Variants in LARP7 observed in about 807,000 individuals in gnomAD.
LARP7 encodes the protein la-related protein 7.
In LARP7, 52 loss-of-function variants were observed where a neutral mutation model predicts 69.3. The ratio of observed to expected loss-of-function variants is 0.75; its 90% CI spans 0.60 to 0.95. The LOEUF is 0.95. Ranked by LOEUF, LARP7 falls within the 40% of genes least tolerant of loss-of-function variation. The probability of loss-of-function intolerance (pLI) is 0.00; values close to 1 mark genes in which losing one functional copy is unlikely to be tolerated. For synonymous variants in LARP7, 254 were observed against 215.9 expected (o/e 1.18, Z -1.55); for missense variants, 733 against 673.0 (o/e 1.09, Z -0.99).
At chr4:112,649,708 GACA>G (rs766811358) in intron 9 of LARP7, 22 bp downstream of exon 9, 1 of 1,538,646 alleles carries the variant, frequency 6.5e-7, no homozygotes. Context: ...TGATAGTTTT[GACA>G]ACATTATAAT....
At chr4:112,646,144 ATTCT>A (rs1170716147) in intron 2 of LARP7, among the ~76,000 whole-genome samples, 6 of 151,710 alleles carry the variant, frequency 4.0e-5, no homozygotes, top group Non-Finnish European at 8.8e-5. Context: ...CACCCAGCTA[ATTCT>A]TTGTATTTTT....
chr4:112,653,416 T>C (rs1327476906), intron 11 of LARP7, among the ~76,000 whole-genome samples, 180 bp downstream of exon 11: 3 of 152,158 alleles, frequency 2.0e-5, no homozygotes, highest in African/African-American at 7.2e-5. Context: ...TTCAAGCAAT[T>C]CTCCTGCCTC....
rs1382350150 is a variant in LARP7 at position 112,647,066 on chromosome 4, A to T, written c.585A>T (p.Arg195Ser). 1.9e-6 allele frequency: 3 copies of T among 1,612,118 alleles called. No homozygotes were observed. The highest frequency in any genetic ancestry group is 2.5e-6 in the Non-Finnish European group (3 of 1,179,580). ...FLNNPPEEAP[R>S]KPGIFPKTVK... The stretch of plus-strand genomic sequence containing the variant: ...ACAACCCACCAGAAGAAGCACCAAG[A>T]AAACCTGGCATATTTCCTAAAACAG... The change falls in exon 6 of 13, where the codon AGA becomes AGT. Residue 195 changes from arginine to serine, a missense_variant. Physicochemically the swap from Arg to Ser is moderately radical, Grantham distance 110. Transcript: ENST00000344442.
chr4:112,648,489 C>T, intron 8 of LARP7: 1 of 534,138 alleles, frequency 1.9e-6, no homozygotes, highest in Middle Eastern at 3.2e-4. Flanking sequence ...GGATTCACTC[C>T]TACTAAAACA....
In LARP7 at chr4:112,647,406, C is replaced by G. The variant is rs1023594873; in HGVS notation, c.854C>G (p.Ser285Cys). Residue 285 changes from serine (S) to cysteine (C), a missense_variant, in exon 7 of 13, where the codon TCT becomes TGT. Transcript: ENST00000344442. ...KKKKRDRVEA[S>C]SLPEVRTGKR... is the part of the protein sequence containing the mutation. ...AAAAAACGGGACAGAGTTGAAGCATCTAGCTTACCTGAAGTCAGAACAGGG... is the reference window on the plus strand; with the variant it reads ...AAAAAACGGGACAGAGTTGAAGCATGTAGCTTACCTGAAGTCAGAACAGGG... The G allele has an allele frequency of 6.2e-7, 1 of 1,613,892 alleles. No individual in the cohort carries two copies. The highest frequency in any genetic ancestry group is 1.7e-5 in the Admixed American group (1 of 59,992).
chr4:112,646,330 T>C (rs1348958784), intron 2 of LARP7, 21 bp from the exon 3 acceptor site: 1 of 1,205,596 alleles, frequency 8.3e-7, no homozygotes, highest in Non-Finnish European at 1.2e-6. Flanking sequence ...ACTAACATAT[T>C]AACTTTTTCA....
intron 1 of LARP7, among the ~76,000 whole-genome samples, chr4:112,643,111 TAAAC>T (rs1187019086): frequency 1.3e-5 from 2 of 152,194 alleles, no homozygotes; most frequent in African/African-American, 2.4e-5. Context: ...AATATATCAG[TAAAC>T]AAACAAAAAT....
intron 2 of LARP7, 71 bp downstream of exon 2, chr4:112,644,942 A>ATTATTTTT: frequency 2.1e-5 from 5 of 235,630 alleles, no homozygotes; most frequent in South Asian, 2.1e-4. Flanking sequence ...AAAATAATAT[A>ATTATTTTT]TTCTTTTTTT....
chr4:112,642,157 A>G (rs760232610), intron 1 of LARP7, among the ~76,000 whole-genome samples: 8 of 152,258 alleles, frequency 5.3e-5, no homozygotes, highest in Non-Finnish European at 8.8e-5. Context: ...TCAAGTAGAC[A>G]GTGGAGCACA....
intron 12 of LARP7, 44 bp from the exon 13 acceptor site, chr4:112,657,198 GTGTTT>G: frequency 1.2e-6 from 1 of 852,618 alleles, no homozygotes; most frequent in Non-Finnish European, 1.8e-6. Flanking sequence ...GTGTGTGTGT[GTGTTT>G]TGAGTATCCA....
rs2048092058 is a variant in LARP7, at chr4:112,644,607, T to C, written c.-2-61T>C. 6 of 1,283,048 alleles carry C rather than the reference T, an allele frequency of 4.7e-6. No individual in the cohort carries two copies. The South Asian group carries it at 7.5e-5, about 16-fold the overall frequency. The allele number at this position is 1,283,048 out of a possible 1,614,324, so 79.5% of individuals were successfully genotyped here. ...AGACAGTTAAAGGCTAATCTAAATATTTAACTATATTAGCTATTGTGGTGA... is the reference window on the plus strand; with the variant it reads ...AGACAGTTAAAGGCTAATCTAAATACTTAACTATATTAGCTATTGTGGTGA... On this transcript the variant is annotated intron_variant, in intron 1 of 12. Transcript: ENST00000344442.
Position 112,646,666 on chromosome 4 carries a change from T to A in LARP7, c.382T>A (p.Tyr128Asn). ...RPKDEDERTVYVELLPKNVNH... is the reference protein window; with the variant it reads ...RPKDEDERTVNVELLPKNVNH... ...AAAGGATGAGGATGAACGCACAGTG[T>A]ATGTGGTAAGCTTAAGAACCCGGGT... The change falls in exon 4 of 13, where the codon TAT becomes AAT. Residue 128 changes from tyrosine to asparagine, a missense_variant. Tyr to Asn is a moderately radical substitution (Grantham distance 143). Transcript: ENST00000344442. 6.2e-7 allele frequency: 1 copy of A among 1,601,062 alleles called. No homozygotes were observed. Among genetic ancestry groups the A allele is most frequent in the Non-Finnish European group, 8.5e-7 (1 of 1,174,792 alleles).
intron 12 of LARP7, among the ~76,000 whole-genome samples, 179 bp from the exon 13 acceptor site, chr4:112,657,068 T>C (rs1216644963): frequency 6.6e-6 from 1 of 152,122 alleles, no homozygotes; most frequent in East Asian, 1.9e-4. Flanking sequence ...TGATTTGTAA[T>C]TGATTTGACC....
chr4:112,644,800 T>G lies in LARP7; in HGVS notation c.131T>G (p.Phe44Cys). The change falls in exon 2 of 13, where the codon TTC (phenylalanine) becomes TGC (cysteine). Residue 44 changes from phenylalanine (F) to cysteine (C), a missense_variant. By Grantham distance (205) the Phe-to-Cys change is radical. Transcript: ENST00000344442. Reference sequence around the variant, plus strand: ...GCAGATATTGCTAAGCAAGTGGACTTCTGGTTTGGGGATGCAAATCTTCAC... The same window carrying G: ...GCAGATATTGCTAAGCAAGTGGACTGCTGGTTTGGGGATGCAAATCTTCAC... ...VLADIAKQVD[F>C]WFGDANLHKD... The G allele has an allele frequency of 6.2e-7, 1 of 1,609,906 alleles. No homozygotes were observed. Among genetic ancestry groups the G allele is most frequent in the Non-Finnish European group, 8.5e-7 (1 of 1,177,346 alleles).
chr4:112,640,838 CTCTCTAAGAAGT>C (rs1364642167), intron 1 of LARP7, among the ~76,000 whole-genome samples: 71 of 152,278 alleles, frequency 4.7e-4, no homozygotes, highest in Admixed American at 7.2e-4. Context: ...AGAGGTAAGT[CTCTCTAAGAAGT>C]GACATTTGCA....
intron 2 of LARP7, among the ~76,000 whole-genome samples, chr4:112,645,396 C>G (rs951161276): frequency 5.9e-5 from 9 of 152,096 alleles, no homozygotes; most frequent in Non-Finnish European, 1.2e-4. Flanking sequence ...CAAATCAAAG[C>G]TTTTAAGTAT....
At chr4:112,644,423 AGG>A (rs1348047221) in intron 1 of LARP7, 1 of 1,060,624 alleles carries the variant, frequency 9.4e-7, no homozygotes, top group Non-Finnish European at 1.2e-6. Context: ...ATATTATTCT[AGG>A]ATAATCTGGC....
intron 1 of LARP7, among the ~76,000 whole-genome samples, chr4:112,641,671 A>G (rs901243929): frequency 1.3e-4 from 20 of 152,228 alleles, no homozygotes; most frequent in African/African-American, 4.8e-4. Context: ...GTGTAAGGAA[A>G]AGGGAAATTA....
chr4:112,638,228 A>C (rs1464986584), intron 1 of LARP7, among the ~76,000 whole-genome samples: 1 of 152,214 alleles, frequency 6.6e-6, no homozygotes, highest in East Asian at 1.9e-4. Flanking sequence ...CTCGGGAAGC[A>C]GAGATTACAG....
Sources: gnomAD v4.1 joint callset for allele counts (sites outside exome capture counted in the v4.1 genomes callset) on GRCh38, gnomAD v4.1.1 for gene constraint, MANE v1.5 for transcripts, NCBI Gene and HGNC (gene_info 2026-07-23, HGNC 2026-07-21) for gene names.